The following RPS6KA1 variants were observed in gnomAD, a reference collection of about 807,000 sequenced individuals.
RPS6KA1 encodes the protein ribosomal protein S6 kinase A1.
In RPS6KA1, 48 loss-of-function variants were observed where a neutral mutation model predicts 91.3. That is an observed-to-expected ratio of 0.53 (90% CI 0.42 to 0.67). The LOEUF is 0.67. Among genes scored for constraint, RPS6KA1 ranks in the 30% least tolerant of loss-of-function variants. The pLI is 0.00. For missense variants in RPS6KA1, 719 were observed against 960.5 expected, an observed-to-expected ratio of 0.75 and a Z score of 3.32; for synonymous variants, 359 against 384.7, an observed-to-expected ratio of 0.93 and a Z score of 0.78.
intron 1 of RPS6KA1, among the ~76,000 whole-genome samples, chr1:26,536,010 C>T (rs532758996): frequency 2.0e-5 from 3 of 152,114 alleles, no homozygotes; most frequent in East Asian, 1.9e-4. Context: ...AAAAATTAGC[C>T]GGGCATGGTG....
Position 26,555,467 on chromosome 1 carries a change from G to T in RPS6KA1, c.828-70G>T. On this transcript the variant is annotated intron_variant, in intron 10 of 21. Transcript: ENST00000374168. The surrounding 1 kb of genome is among the most constrained non-coding windows in gnomAD (Gnocchi z 4.3). ...TAGACTGAGCTGGGAACTAGATCTG[G>T]ACAGGGGCCGGGGGAGATGGGGCCT... 1 of 1,440,778 alleles carries T rather than the reference G, an allele frequency of 6.9e-7. No homozygotes were observed. 89.2% of individuals were successfully genotyped at this position (1,440,778 alleles called of 1,614,324 possible).
chr1:26,573,936 T>G, intron 21 of RPS6KA1, 143 bp from the exon 22 acceptor site: 1 of 800,684 alleles, frequency 1.2e-6, no homozygotes, highest in Admixed American at 2.9e-5. Flanking sequence ...AGACTGTATC[T>G]CAAAAAAAAA....
chr1:26,544,222 C>G (rs1458168707), intron 2 of RPS6KA1: 1 of 456,138 alleles, frequency 2.2e-6, no homozygotes, highest in East Asian at 6.9e-5. Flanking sequence ...CCCGCTGTCT[C>G]TCTTTGCTGC....
At chr1:26,544,294 CT>C (rs1359460362) in intron 2 of RPS6KA1, 5 of 440,760 alleles carry the variant, frequency 1.1e-5, no homozygotes, top group Admixed American at 4.7e-5. Flanking sequence ...CTGACTTCAC[CT>C]TTTGGGTACA....
intron 2 of RPS6KA1, chr1:26,545,913 C>T (rs751743845): frequency 7.6e-6 from 12 of 1,579,130 alleles, no homozygotes; most frequent in Non-Finnish European, 1.0e-5. Flanking sequence ...GGAGCAGGAT[C>T]CCAAGCCGCC....
rs200131676 is a variant in RPS6KA1 at position 26,554,171 on chromosome 1, C to T, written c.576-43C>T. 3.9e-5 allele frequency: 60 copies of T among 1,545,034 alleles called. No homozygotes were observed. The Admixed American group carries it at 4.1e-4, about 11-fold the overall frequency. ...CCCTGTGGTAACACCATCACCCACA[C>T]GGCCACAGCTGAGGGGCCCTGACCA... On this transcript the variant is annotated intron_variant, in intron 7 of 21. Transcript: ENST00000374168. The surrounding 1 kb of genome is among the most constrained non-coding windows in gnomAD (Gnocchi z 4.6).
chr1:26,566,921 G>A (rs1356674202), intron 17 of RPS6KA1, among the ~76,000 whole-genome samples: 1 of 152,110 alleles, frequency 6.6e-6, no homozygotes, highest in Non-Finnish European at 1.5e-5. Flanking sequence ...ATCCTCTCAC[G>A]CTGCTCCTGA....
rs2076081917 is a variant in RPS6KA1, at chr1:26,554,540, T to C, written c.614-56T>C. 1.3e-6 allele frequency: 2 copies of C among 1,560,848 alleles called. No individual in the cohort carries two copies. Among genetic ancestry groups the C allele is most frequent in the Non-Finnish European group, 1.7e-6 (2 of 1,147,280 alleles). On this transcript the variant is annotated intron_variant, in intron 8 of 21. Transcript: ENST00000374168. The surrounding 1 kb of genome is among the most constrained non-coding windows in gnomAD (Gnocchi z 4.6). ...GCACGGGGGTTGGGTGTGCAAAGGG[T>C]GGCAGCAAGGAAGGCAGGGGTCCTA...
Position 26,555,171 on chromosome 1 carries a change from C to T in RPS6KA1, c.777C>T (p.Ser259=), listed in dbSNP as rs1341703279. The change falls in exon 10 of 22, where the codon TCC becomes TCT. Residue 259 remains serine (S), a synonymous_variant. Transcript: ENST00000374168. This position sits in a 1 kb window ranked among gnomAD's most constrained non-coding sequence, Gnocchi z 4.3. ...GVLMFEMLTG[S]LPFQGKDRKE... ...TGCAGTTTGAGATGCTGACGGGCTC[C>T]CTGCCCTTCCAGGGGAAGGACCGGA... 12 of 1,614,018 alleles carry T rather than the reference C, an allele frequency of 7.4e-6. No homozygotes were observed. Among genetic ancestry groups the T allele is most frequent in the Non-Finnish European group, 9.3e-6 (11 of 1,180,010 alleles).
rs1388891224 is a variant in RPS6KA1 at position 26,554,311 on chromosome 1, G to T, written c.613+60G>T. 12 of 1,510,314 alleles carry T rather than the reference G, an allele frequency of 7.9e-6. No individual in the cohort carries two copies. The highest frequency in any genetic ancestry group is 1.1e-5 in the Non-Finnish European group (12 of 1,113,024). 93.6% of individuals were successfully genotyped at this position (1,510,314 alleles called of 1,614,324 possible). A position where few individuals can be genotyped will look rare whatever the true frequency, so the allele number is the denominator to read the frequency against. On this transcript the variant is annotated intron_variant, in intron 8 of 21. Coordinates refer to ENST00000374168, the MANE Select transcript of RPS6KA1 (RefSeq NM_002953.4). The surrounding 1 kb of genome is among the most constrained non-coding windows in gnomAD (Gnocchi z 4.6). ...GGGAGGACAGGACAAGGTCATGATA[G>T]GTCTCGGCTGAGTGCTGGGGGCTCA...
rs948038303 is a variant in RPS6KA1, at chr1:26,547,632, G to A, written c.307+362G>A. The A allele has an allele frequency of 1.6e-5, 4 of 245,836 alleles. No individual in the cohort carries two copies. Among genetic ancestry groups the A allele is most frequent in the Non-Finnish European group, 2.5e-5 (3 of 121,026 alleles). The allele number at this position is 245,836 out of a possible 1,614,324, so 15.2% of individuals were successfully genotyped here. On this transcript the variant is annotated intron_variant, in intron 4 of 21. Transcript: ENST00000374168. The surrounding 1 kb of genome is among the most constrained non-coding windows in gnomAD (Gnocchi z 4.1). ...TAACTCAGGGGCCTGAGAGAAGGGCGTGAGTGAAGAGGCAGGGAGCCCAGG... is the reference window on the plus strand; with the variant it reads ...TAACTCAGGGGCCTGAGAGAAGGGCATGAGTGAAGAGGCAGGGAGCCCAGG...
At chr1:26,562,825 C>CTTTTTTT (rs748764001) in intron 17 of RPS6KA1, among the ~76,000 whole-genome samples, 52 of 81,440 alleles carry the variant, frequency 6.4e-4, no homozygotes, top group African/African-American at 2.5e-3. Context: ...TCCTATTGTC[C>CTTTTTTT]TTTTTTTTTT....
At position 26,547,435 on chromosome 1, in the gene RPS6KA1, C is replaced by G; in HGVS notation, c.307+165C>G. ...TCTCAGCTATCCCTCGCCAGCCAAT[C>G]CTCCTCCCCCTAAGCCAAGTGCTAG... On this transcript the variant is annotated intron_variant, in intron 4 of 21. Transcript: ENST00000374168. The surrounding 1 kb of genome is among the most constrained non-coding windows in gnomAD (Gnocchi z 4.1). The G allele has an allele frequency of 1.6e-6, 1 of 611,556 alleles. No homozygotes were observed. The highest frequency in any genetic ancestry group is 2.7e-5 in the Admixed American group (1 of 36,440). The allele number at this position is 611,556 out of a possible 1,614,324, so 37.9% of individuals were successfully genotyped here.
At chr1:26,535,481 C>T (rs373184692) in intron 1 of RPS6KA1, among the ~76,000 whole-genome samples, 6 of 152,188 alleles carry the variant, frequency 3.9e-5, no homozygotes, top group African/African-American at 1.4e-4. Flanking sequence ...TCTGCCTCAC[C>T]ACACTCTCCC....
chr1:26,574,696 C>T lies in RPS6KA1; in HGVS notation c.*495C>T. On this transcript the variant is annotated 3_prime_UTR_variant, in exon 22 of 22. Coordinates refer to ENST00000374168, the MANE Select transcript of RPS6KA1 (RefSeq NM_002953.4). The surrounding 1 kb of genome is among the most constrained non-coding windows in gnomAD (Gnocchi z 4.3). ...TGTTTAGCAGAACTCATTCTATCCC[C>T]AATCAGCTCCTTTTCCGTTCTGTTC... 1 of 342,508 alleles carries T rather than the reference C, an allele frequency of 2.9e-6. No homozygotes were observed. The highest frequency in any genetic ancestry group is 5.8e-6 in the Non-Finnish European group (1 of 173,908). 21.2% of individuals were successfully genotyped at this position (342,508 alleles called of 1,614,324 possible).
Position 26,547,768 on chromosome 1 carries a change from C to A in RPS6KA1, c.307+498C>A, listed in dbSNP as rs114085285. Among the ~76,000 whole-genome samples the A allele has an allele frequency of 9.7e-3, 1,477 of 152,276 alleles. 34 individuals carry two copies. The highest frequency in any genetic ancestry group is 0.034 in the African/African-American group (1,398 of 41,552). On this transcript the variant is annotated intron_variant, in intron 4 of 21. Transcript: ENST00000374168. The surrounding 1 kb of genome is among the most constrained non-coding windows in gnomAD (Gnocchi z 4.1). ...CCAAGGTTAGAGTTCTGGGGACTTA[C>A]AAAGGGTGTGAAGATGGTTGGTAGT...
In RPS6KA1 at chr1:26,555,089, A is replaced by C; in HGVS notation, c.757-62A>C. On this transcript the variant is annotated intron_variant, in intron 9 of 21. Transcript: ENST00000374168. The surrounding 1 kb of genome is among the most constrained non-coding windows in gnomAD (Gnocchi z 4.3). ...ACTGGGGCAGAGGGGTCTGACTGGGAGGAGGCGGGAGGTGTGTCGGAGACA... is the reference window on the plus strand; with the variant it reads ...ACTGGGGCAGAGGGGTCTGACTGGGCGGAGGCGGGAGGTGTGTCGGAGACA... 1 of 1,509,654 alleles carries C rather than the reference A, an allele frequency of 6.6e-7. No individual in the cohort carries two copies. Among genetic ancestry groups the C allele is most frequent in the Admixed American group, 1.7e-5 (1 of 59,110 alleles). The allele number at this position is 1,509,654 out of a possible 1,614,324, so 93.5% of individuals were successfully genotyped here.
intron 1 of RPS6KA1, among the ~76,000 whole-genome samples, chr1:26,534,971 A>G (rs2075895943): frequency 1.3e-5 from 2 of 152,212 alleles, no homozygotes; most frequent in African/African-American, 2.4e-5. Flanking sequence ...AGTTGAGTGC[A>G]GCAGTTGCAC....
chr1:26,532,130 G>A (rs892033120), intron 1 of RPS6KA1, among the ~76,000 whole-genome samples: 2 of 152,128 alleles, frequency 1.3e-5, no homozygotes, highest in African/African-American at 4.8e-5. Context: ...ATGGGCCGCT[G>A]GGAGGCAGGG....
Sources: allele counts gnomAD v4.1 joint callset (sites outside exome capture counted in the v4.1 genomes callset), GRCh38; gene constraint gnomAD v4.1.1; non-coding constraint Gnocchi (gnomAD v3.1); transcripts MANE v1.5; gene names NCBI Gene and HGNC (gene_info 2026-07-23, HGNC 2026-07-21).